AGBL4: variants seen among roughly 807,000 people sequenced by gnomAD.
The protein encoded by AGBL4 is AGBL carboxypeptidase 4, also known as cytosolic carboxypeptidase 6.
A neutral mutation model predicts 66.4 loss-of-function variants in AGBL4; 58 were observed. The observed-to-expected ratio is 0.87, with a 90% confidence interval of 0.71 to 1.09. The LOEUF is 1.09. Among genes scored for constraint, AGBL4 ranks in the 50% least tolerant of loss-of-function variants. AGBL4 has a pLI of 0.00. For missense variants in AGBL4, 579 were observed against 631.0 expected (o/e 0.92, Z 0.88); for synonymous variants, 234 against 222.9 (o/e 1.05, Z -0.44).
chr1:48,845,253 C>T (rs1558035102), intron 6 of AGBL4, among the ~76,000 whole-genome samples: 2 of 152,180 alleles, frequency 1.3e-5, no homozygotes, highest in Non-Finnish European at 2.9e-5. Context: ...AGATACCTGC[C>T]TCATAGCTTC....
intron 2 of AGBL4, among the ~76,000 whole-genome samples, chr1:49,809,180 A>C (rs1322480491): frequency 6.6e-6 from 1 of 152,030 alleles, no homozygotes; most frequent in Non-Finnish European, 1.5e-5. Context: ...ATTTTACTTT[A>C]AGTTCTAGGG....
intron 4 of AGBL4, among the ~76,000 whole-genome samples, chr1:49,048,112 A>G (rs541382750): frequency 1.3e-5 from 2 of 152,244 alleles, no homozygotes; most frequent in South Asian, 4.1e-4. Context: ...GGTCTGTGAT[A>G]GTCACTTCAG....
intron 2 of AGBL4, among the ~76,000 whole-genome samples, chr1:49,760,132 T>G (rs1652195379): frequency 3.3e-5 from 5 of 152,186 alleles, no homozygotes; most frequent in Admixed American, 3.3e-4. Flanking sequence ...CCTTTGCCAC[T>G]TTTTGATGGG....
intron 3 of AGBL4, among the ~76,000 whole-genome samples, chr1:49,434,925 G>A (rs1477397185): frequency 6.6e-6 from 1 of 152,036 alleles, no homozygotes; most frequent in African/African-American, 2.4e-5. Flanking sequence ...GAGGTCTCGA[G>A]GGCCCACAGA....
Position 48,736,164 on chromosome 1 carries a change from T to A in AGBL4, c.635-72923A>T. On this transcript the variant is annotated intron_variant, in intron 6 of 13. Coordinates refer to ENST00000371839, the MANE Select transcript of AGBL4 (RefSeq NM_032785.4). The surrounding 1 kb of genome is among the most constrained non-coding windows in gnomAD (Gnocchi z 4.0). ...GAAGCTTCATAAGTAATCGTTGAAT[T>A]GAATTGTGCCTAACACATTCTTGAC... The A allele has an allele frequency of 6.7e-7, 1 of 1,492,846 alleles. No individual in the cohort carries two copies. Among genetic ancestry groups the A allele is most frequent in the South Asian group, 1.2e-5 (1 of 86,936 alleles). The allele number at this position is 1,492,846 out of a possible 1,614,324, so 92.5% of individuals were successfully genotyped here. A position where few individuals can be genotyped will look rare whatever the true frequency, so the allele number is the denominator to read the frequency against.
At chr1:49,898,288 A>G (rs769613790) in intron 1 of AGBL4, among the ~76,000 whole-genome samples, 1 of 152,100 alleles carries the variant, frequency 6.6e-6, no homozygotes, top group Non-Finnish European at 1.5e-5. Context: ...TAGTAATTCA[A>G]TTTAAAAATG....
chr1:49,328,526 T>A (rs1394143331), intron 3 of AGBL4, among the ~76,000 whole-genome samples: 1 of 152,200 alleles, frequency 6.6e-6, no homozygotes, highest in Non-Finnish European at 1.5e-5. Context: ...GAGATCTCAT[T>A]TATTTTCATG....
intron 2 of AGBL4, among the ~76,000 whole-genome samples, chr1:49,740,449 T>C (rs949355772): frequency 1.3e-5 from 2 of 152,210 alleles, no homozygotes; most frequent in Admixed American, 6.5e-5. Flanking sequence ...ACAATAATAA[T>C]GGGAGACTTT....
chr1:49,556,843 C>A (rs895737519), intron 3 of AGBL4, among the ~76,000 whole-genome samples: 21 of 152,082 alleles, frequency 1.4e-4, no homozygotes, highest in African/African-American at 5.1e-4. Context: ...CTGAGCCCTG[C>A]CCTGCAGGGA....
At chr1:49,046,024 T>C (rs1363971806) in intron 4 of AGBL4, among the ~76,000 whole-genome samples, 2 of 152,144 alleles carry the variant, frequency 1.3e-5, no homozygotes, top group African/African-American at 4.8e-5. Flanking sequence ...GTCTGGAAAA[T>C]GCAAAGTTAA....
chr1:49,633,957 T>C (rs1364563711), intron 3 of AGBL4, among the ~76,000 whole-genome samples: 2 of 142,638 alleles, frequency 1.4e-5, no homozygotes, highest in South Asian at 2.1e-4. Flanking sequence ...TAAAATAATT[T>C]TTTTTCATAA....
intron 4 of AGBL4, among the ~76,000 whole-genome samples, chr1:49,207,155 G>T (rs1381115483): frequency 6.6e-6 from 1 of 152,058 alleles, no homozygotes; most frequent in African/African-American, 2.4e-5. Flanking sequence ...CTCTGGGCAG[G>T]AGCGAACTAT....
intron 11 of AGBL4, among the ~76,000 whole-genome samples, chr1:48,566,197 TGAA>T (rs1644473459): frequency 6.6e-6 from 1 of 152,222 alleles, no homozygotes; most frequent in African/African-American, 2.4e-5. Context: ...CTCCCTTGTA[TGAA>T]CTCAGCATTC....
intron 1 of AGBL4, among the ~76,000 whole-genome samples, chr1:49,929,510 A>G (rs1445967397): frequency 6.6e-6 from 1 of 152,162 alleles, no homozygotes; most frequent in Non-Finnish European, 1.5e-5. Context: ...AAACTGAAGT[A>G]AATAAGTAAA....
At chr1:49,207,673 C>T (rs1648345639) in intron 4 of AGBL4, among the ~76,000 whole-genome samples, 1 of 150,590 alleles carries the variant, frequency 6.6e-6, no homozygotes, top group South Asian at 2.1e-4. Context: ...CTCAATGCAG[C>T]CTTGACTTCC....
chr1:48,787,710 CA>C (rs935899007), intron 6 of AGBL4, among the ~76,000 whole-genome samples: 4 of 152,066 alleles, frequency 2.6e-5, no homozygotes, highest in African/African-American at 9.7e-5. Context: ...CCTCTATTAT[CA>C]AGGAAAAGAA....
intron 2 of AGBL4, among the ~76,000 whole-genome samples, chr1:49,835,754 T>C (rs1335176051): frequency 6.6e-6 from 1 of 152,230 alleles, no homozygotes; most frequent in East Asian, 1.9e-4. Flanking sequence ...TGAGCTCTTG[T>C]AAGGCAGGCC....
intron 7 of AGBL4, 66 bp downstream of exon 7, chr1:48,663,086 C>T: frequency 6.8e-7 from 1 of 1,477,910 alleles, no homozygotes; most frequent in South Asian, 1.1e-5. Flanking sequence ...CCACACTGTT[C>T]CAGAGATCAT....
chr1:48,634,735 C>A (rs967454548), intron 8 of AGBL4, 131 bp from the exon 9 acceptor site: 5 of 602,274 alleles, frequency 8.3e-6, no homozygotes, highest in African/African-American at 3.7e-5. Flanking sequence ...AGAGACTGTT[C>A]TAAGTACTTT....
Sources: allele counts gnomAD v4.1 joint callset (sites outside exome capture counted in the v4.1 genomes callset), GRCh38; gene constraint gnomAD v4.1.1; non-coding constraint Gnocchi (gnomAD v3.1); transcripts MANE v1.5; gene names NCBI Gene and HGNC (gene_info 2026-07-23, HGNC 2026-07-21).